DIPK1B: variants seen among roughly 807,000 people sequenced by gnomAD.
DIPK1B encodes divergent protein kinase domain 1B, also known as family with sequence similarity 69 member B.
A neutral mutation model predicts 20.7 loss-of-function variants in DIPK1B; 17 were observed. The ratio of observed to expected loss-of-function variants is 0.82; its 90% confidence interval spans 0.56 to 1.23. The LOEUF is 1.23. Among genes scored for constraint, DIPK1B ranks in the 50% most tolerant of loss-of-function variants. The pLI, the probability that DIPK1B is intolerant of heterozygous loss-of-function variation, is 0.00. For missense variants in DIPK1B, 648 were observed against 601.8 expected, an observed-to-expected ratio of 1.08 and a Z score of -0.80; for synonymous variants, 343 against 276.5, an observed-to-expected ratio of 1.24 and a Z score of -2.39.
At chr9:136,721,886 T>C (rs1478241728) in intron 2 of DIPK1B, 35 bp from the exon 3 acceptor site, 1 of 1,594,620 alleles carries the variant, frequency 6.3e-7, no homozygotes. Context: ...GGGGTGTGGC[T>C]GCCCCGCCCG....
rs377564475 is a variant in DIPK1B at position 136,717,676 on chromosome 9, G to A, written c.163G>A (p.Glu55Lys). The change falls in exon 2 of 5, where the codon GAG becomes AAG. Residue 55 changes from glutamate (E) to lysine (K), a missense_variant. Coordinates refer to ENST00000371692, the MANE Select transcript of DIPK1B (RefSeq NM_152421.4). Reference protein sequence around the residue: ...LVYVHYSSYSERCRGHVCQVV... With the variant: ...LVYVHYSSYSKRCRGHVCQVV... ...GTACGTGCACTACTCGTCCTACTCG[G>A]AGCGCTGTCGCGGCCATGTCTGCCA... is the stretch of plus-strand genomic sequence containing the variant. 32 of 1,610,402 alleles carry A rather than the reference G, an allele frequency of 2.0e-5. No homozygotes were observed. In the African/African-American group the frequency reaches 4.0e-4, roughly 20 times the overall value.
Position 136,724,335 on chromosome 9 carries a change from C to G in DIPK1B, c.*561C>G, listed in dbSNP as rs553260301. ...CACAACAGACCAAGAAAAAGGTGTTCCAGTAAGAAAACAGATATATGCGGT... is the reference window on the plus strand; with the variant it reads ...CACAACAGACCAAGAAAAAGGTGTTGCAGTAAGAAAACAGATATATGCGGT... On this transcript the variant is annotated 3_prime_UTR_variant, in exon 5 of 5. Coordinates refer to ENST00000371692, the MANE Select transcript of DIPK1B (RefSeq NM_152421.4). Among the ~76,000 whole-genome samples the G allele has an allele frequency of 6.6e-6, 1 of 152,182 alleles. No homozygotes were observed.
intron 1 of DIPK1B, among the ~76,000 whole-genome samples, chr9:136,715,297 G>A (rs1846480827): frequency 6.6e-6 from 1 of 152,174 alleles, no homozygotes; most frequent in African/African-American, 2.4e-5. Context: ...CTAGGGGGCT[G>A]GGGAGAGGGA....
At chr9:136,722,528 G>A (rs1054042420) in intron 4 of DIPK1B, 19 of 605,618 alleles carry the variant, frequency 3.1e-5, no homozygotes, top group South Asian at 2.6e-4. Context: ...AGCTGAGGTC[G>A]AGGGGAGGCT....
At position 136,712,641 on chromosome 9, in the gene DIPK1B, C is replaced by T. The variant is rs1452020226; in HGVS notation, c.-25C>T. 2 of 1,149,236 alleles carry T rather than the reference C, an allele frequency of 1.7e-6. No homozygotes were observed. The highest frequency in any genetic ancestry group is 2.1e-6 in the Non-Finnish European group (2 of 934,196). The allele number at this position is 1,149,236 out of a possible 1,614,324, so 71.2% of individuals were successfully genotyped here. A position where few individuals can be genotyped will look rare whatever the true frequency, so the allele number is the denominator to read the frequency against. The stretch of plus-strand genomic sequence containing the variant: ...CTGAGGCCGAGCGAGCCGCGGGGCC[C>T]GCGCAGCCCCGGCCGGAGCCCACCA... On this transcript the variant is annotated 5_prime_UTR_variant, in exon 1 of 5. Coordinates refer to ENST00000371692, the MANE Select transcript of DIPK1B (RefSeq NM_152421.4). This position sits in a 1 kb window ranked among gnomAD's most constrained non-coding sequence, Gnocchi z 5.6.
intron 2 of DIPK1B, chr9:136,721,500 T>TCTCGGTGGTCGCCGTATCATTAAAAA: frequency 5.1e-6 from 1 of 194,760 alleles, no homozygotes. Context: ...GTGGTGTAGA[T>TCTCGGTGGTCGCCGTATCATTAAAAA]ATTAGGGACT....
chr9:136,720,660 A>C (rs4880134), intron 2 of DIPK1B, among the ~76,000 whole-genome samples: 129,850 of 152,226 alleles, frequency 0.85, 55,518 homozygotes, highest in East Asian at 0.91. Flanking sequence ...CCTGTGGGAC[A>C]GGGAAGGACA....
At position 136,724,704 on chromosome 9, in the gene DIPK1B, T is replaced by C. The variant is rs1052914654; in HGVS notation, c.*930T>C. 2.0e-5 allele frequency: 3 copies of C among 152,254 alleles called. No homozygotes were observed. Among genetic ancestry groups the C allele is most frequent in the African/African-American group, 4.8e-5 (2 of 41,466 alleles). 9.4% of individuals were successfully genotyped at this position (152,254 alleles called of 1,614,324 possible). A position where few individuals can be genotyped will look rare whatever the true frequency, so the allele number is the denominator to read the frequency against. On this transcript the variant is annotated 3_prime_UTR_variant, in exon 5 of 5. Transcript: ENST00000371692. The stretch of plus-strand genomic sequence containing the variant: ...ACTTCATCCTGTATTTTAAAATAAA[T>C]GTTTTCCATATAGATTTTCCCCTTG...
In DIPK1B at chr9:136,723,182, C is replaced by T. The variant is rs781167613; in HGVS notation, c.704C>T (p.Pro235Leu). The change falls in exon 5 of 5, where the codon CCG (proline) becomes CTG (leucine). Residue 235 changes from proline to leucine, a missense_variant. Coordinates refer to ENST00000371692, the MANE Select transcript of DIPK1B (RefSeq NM_152421.4). ...CGDLYLTEGVPHGAWHAAALP... is the reference protein window; with the variant it reads ...CGDLYLTEGVLHGAWHAAALP... ...GACCTCTACCTCACCGAGGGCGTGC[C>T]GCATGGCGCCTGGCACGCGGCCGCC... 9.3e-6 allele frequency: 15 copies of T among 1,612,738 alleles called. No individual in the cohort carries two copies. The highest frequency in any genetic ancestry group is 5.5e-5 in the South Asian group (5 of 91,090).
intron 2 of DIPK1B, among the ~76,000 whole-genome samples, chr9:136,718,144 C>T (rs1243690919): frequency 2.1e-5 from 3 of 142,252 alleles, no homozygotes; most frequent in Non-Finnish European, 3.1e-5. Flanking sequence ...AGGATAGCGA[C>T]CCCCGTGTGC....
intron 3 of DIPK1B, 42 bp from the exon 4 acceptor site, chr9:136,722,083 G>C (rs750083850): frequency 1.2e-5 from 19 of 1,613,404 alleles, no homozygotes; most frequent in South Asian, 2.2e-5. Flanking sequence ...CGTGCAGTGG[G>C]AGGGGGATGT....
intron 2 of DIPK1B, among the ~76,000 whole-genome samples, chr9:136,718,858 G>A (rs934828079): frequency 4.6e-5 from 7 of 152,342 alleles, no homozygotes; most frequent in African/African-American, 1.4e-4. Flanking sequence ...GAAAGGCCCA[G>A]ATGTGGCAGT....
chr9:136,717,677 A>AGCGCTGTCGCGGCCATGTCT lies in DIPK1B; in HGVS notation c.167_186dup (p.Gln63AlafsTer58). On this transcript the variant is annotated frameshift_variant, in exon 2 of 5. Transcript: ENST00000371692. LOFTEE classifies it high-confidence loss of function. ...TACGTGCACTACTCGTCCTACTCGGAGCGCTGTCGCGGCCATGTCTGCCAG... is the reference window on the plus strand; with the variant it reads ...TACGTGCACTACTCGTCCTACTCGGAGCGCTGTCGCGGCCATGTCTGCGCTGTCGCGGCCATGTCTGCCAG... The AGCGCTGTCGCGGCCATGTCT allele has an allele frequency of 6.2e-7, 1 of 1,610,510 alleles. No homozygotes were observed. The highest frequency in any genetic ancestry group is 1.3e-5 in the African/African-American group (1 of 75,012).
chr9:136,724,015 G>A lies in DIPK1B; in HGVS notation c.*241G>A. 3 of 561,494 alleles carry A rather than the reference G, an allele frequency of 5.3e-6. No individual in the cohort carries two copies. The highest frequency in any genetic ancestry group is 9.6e-6 in the Non-Finnish European group (3 of 313,516). 34.8% of individuals were successfully genotyped at this position (561,494 alleles called of 1,614,324 possible). On this transcript the variant is annotated 3_prime_UTR_variant, in exon 5 of 5. Coordinates refer to ENST00000371692, the MANE Select transcript of DIPK1B (RefSeq NM_152421.4). ...GGTTTGTTACTCTGAAGAACGTAAT[G>A]TCAATAAACAGCTTTTATGTAATGC...
rs532365111 is a variant in DIPK1B, at chr9:136,724,473, A to G, written c.*699A>G. Among the ~76,000 whole-genome samples the G allele has an allele frequency of 1.6e-4, 24 of 152,332 alleles. No individual in the cohort carries two copies. The highest frequency in any genetic ancestry group is 5.8e-4 in the African/African-American group (24 of 41,584). The stretch of plus-strand genomic sequence containing the variant: ...CCCCGTACGCTCTCCCCAGTAGCCC[A>G]GGGCACCCAGCAACCATCCCCTAGG... On this transcript the variant is annotated 3_prime_UTR_variant, in exon 5 of 5. Transcript: ENST00000371692.
At chr9:136,718,241 C>T (rs559922457) in intron 2 of DIPK1B, among the ~76,000 whole-genome samples, 4 of 25,924 alleles carry the variant, frequency 1.5e-4, no homozygotes, top group Non-Finnish European at 4.0e-4. Context: ...CTCACTGGTC[C>T]GGGATAGAGA....
chr9:136,723,216 C>A lies in DIPK1B; in HGVS notation c.738C>A (p.Pro246=). Residue 246 remains proline (P), a synonymous_variant, in exon 5 of 5, where the codon CCC becomes CCA. Transcript: ENST00000371692. ...CCTGGCACGCGGCCGCCCTTCCACC[C>A]CTGTTGCGCCCACTGCTGCCGCCTG... ...HGAWHAAALP[P]LLRPLLPPAL... is the part of the protein sequence containing the mutation. The A allele has an allele frequency of 6.2e-7, 1 of 1,612,322 alleles. No homozygotes were observed. The highest frequency in any genetic ancestry group is 8.5e-7 in the Non-Finnish European group (1 of 1,179,684).
At position 136,723,741 on chromosome 9, in the gene DIPK1B, C is replaced by G. The variant is rs1174175149; in HGVS notation, c.1263C>G (p.Leu421=). The G allele has an allele frequency of 1.3e-6, 2 of 1,534,978 alleles. No individual in the cohort carries two copies. The highest frequency in any genetic ancestry group is 2.4e-5 in the East Asian group (1 of 40,926). ...TGCTCAGCCACCTCAAGACTCTGCT[C>G]TGGAAGAAGATCTCCAACACCAAGT... The part of the protein sequence containing the change: ...SLVLSHLKTL[L]WKKISNTKYS Residue 421 remains leucine (L), a synonymous_variant, in exon 5 of 5, where the codon CTC becomes CTG. Transcript: ENST00000371692.
In DIPK1B at chr9:136,712,990, C is replaced by A. The variant is rs1030817745; in HGVS notation, c.63+262C>A. 2.6e-5 allele frequency among the ~76,000 whole-genome samples: 4 copies of A among 152,180 alleles called. No homozygotes were observed. Among genetic ancestry groups the A allele is most frequent in the Admixed American group, 1.3e-4 (2 of 15,286 alleles). On this transcript the variant is annotated intron_variant, in intron 1 of 4. Coordinates refer to ENST00000371692, the MANE Select transcript of DIPK1B (RefSeq NM_152421.4). The surrounding 1 kb of genome is among the most constrained non-coding windows in gnomAD (Gnocchi z 5.6). ...GCCCCGACCTGCAGGCGGTCCCTGC[C>A]CCCCAGGCCCAGAAACCACACCGAA...
Sources: gnomAD v4.1 joint callset for allele counts (sites outside exome capture counted in the v4.1 genomes callset) on GRCh38, gnomAD v4.1.1 for gene constraint, Gnocchi (gnomAD v3.1) non-coding constraint, MANE v1.5 for transcripts, NCBI Gene and HGNC (gene_info 2026-07-23, HGNC 2026-07-21) for gene names.